The following SNX29 variants were observed in gnomAD, a reference collection of about 807,000 sequenced individuals.
SNX29 encodes the protein sorting nexin 29.
SNX29 carries 78 observed loss-of-function variants against 102.1 expected under a neutral mutation model. The observed-to-expected ratio is 0.76, with a 90% CI of 0.64 to 0.92. The LOEUF is 0.92. Among genes scored for constraint, SNX29 ranks in the 40% least tolerant of loss-of-function variants. The pLI is 0.00. For missense variants in SNX29, 1,280 were observed against 1,061.7 expected (o/e 1.21, Z -2.86); for synonymous variants, 580 against 414.5 (o/e 1.40, Z -4.85).
At chr16:12,257,039 G>C (rs955822424) in intron 14 of SNX29, among the ~76,000 whole-genome samples, 8 of 152,206 alleles carry the variant, frequency 5.3e-5, no homozygotes, top group African/African-American at 1.9e-4. Flanking sequence ...ATGAGGTGGT[G>C]GCAGGGTTGT....
At chr16:12,391,168 A>G (rs1393530215) in intron 16 of SNX29, among the ~76,000 whole-genome samples, 2 of 151,690 alleles carry the variant, frequency 1.3e-5, no homozygotes, top group African/African-American at 4.8e-5. Context: ...CTGGCCTTAG[A>G]CTCCTGGGCC....
chr16:12,047,947 G>A (rs866323821), intron 6 of SNX29, among the ~76,000 whole-genome samples: 2 of 152,080 alleles, frequency 1.3e-5, no homozygotes, highest in Admixed American at 6.6e-5. Flanking sequence ...GTGAGCCACC[G>A]TGCCCAGCCT....
intron 15 of SNX29, among the ~76,000 whole-genome samples, chr16:12,340,553 C>T (rs1454246241): frequency 1.3e-5 from 2 of 152,146 alleles, no homozygotes; most frequent in African/African-American, 4.8e-5. Flanking sequence ...GTTTGGAGTT[C>T]TGGAAACGTT....
At chr16:12,533,708 A>G (rs1049125858) in intron 20 of SNX29, among the ~76,000 whole-genome samples, 1 of 152,108 alleles carries the variant, frequency 6.6e-6, no homozygotes, top group Non-Finnish European at 1.5e-5. Flanking sequence ...TGCCTTGGCA[A>G]ACTCAGGTGC....
chr16:12,275,176 T>C (rs763950386), intron 14 of SNX29, among the ~76,000 whole-genome samples: 4 of 152,204 alleles, frequency 2.6e-5, no homozygotes, highest in African/African-American at 7.2e-5. Flanking sequence ...GGCTGTGCCA[T>C]TCCACTGGAG....
In SNX29 at chr16:12,098,409, C is replaced by T. The variant is rs200991052; in HGVS notation, c.1402+19494C>T. Among the ~76,000 whole-genome samples, 15 of 152,204 alleles carry T rather than the reference C, an allele frequency of 9.9e-5. No individual in the cohort carries two copies. Among genetic ancestry groups the T allele is most frequent in the African/African-American group, 3.4e-4 (14 of 41,450 alleles). ...TGGAGTTCACCTTCTGGAAGAACGT[C>T]GCTGCCCAGTTGAATAGGGGGTTGG... On this transcript the variant is annotated intron_variant, in intron 11 of 20. Coordinates refer to ENST00000566228, the MANE Select transcript of SNX29 (RefSeq NM_032167.5). This position sits in a 1 kb window ranked among gnomAD's most constrained non-coding sequence, Gnocchi z 6.0.
chr16:12,359,182 T>C (rs954265323), intron 16 of SNX29, among the ~76,000 whole-genome samples: 1 of 152,208 alleles, frequency 6.6e-6, no homozygotes, highest in African/African-American at 2.4e-5. Context: ...TGTGTCAGAA[T>C]TGAATCAGAG....
At chr16:12,058,897 A>T (rs2050645523) in intron 8 of SNX29, among the ~76,000 whole-genome samples, 1 of 145,474 alleles carries the variant, frequency 6.9e-6, no homozygotes, top group Non-Finnish European at 1.5e-5. Context: ...GGCTCAAGGG[A>T]TCCTCCCACC....
chr16:12,559,310 T>C (rs757622942), intron 20 of SNX29, among the ~76,000 whole-genome samples: 3 of 151,796 alleles, frequency 2.0e-5, no homozygotes, highest in African/African-American at 7.3e-5. Context: ...GCAAACCCTA[T>C]TGTGAACTGC....
chr16:12,539,981 T>A (rs1231327395), intron 20 of SNX29, among the ~76,000 whole-genome samples: 1 of 152,192 alleles, frequency 6.6e-6, no homozygotes, highest in Non-Finnish European at 1.5e-5. Context: ...TATTTTCTTC[T>A]AGTCTTCAGC....
intron 4 of SNX29, among the ~76,000 whole-genome samples, chr16:12,030,976 C>G (rs2057325719): frequency 6.6e-6 from 1 of 152,240 alleles, no homozygotes; most frequent in Non-Finnish European, 1.5e-5. Context: ...AATTCAGCAG[C>G]TGAAGCACTA....
At chr16:12,455,217 C>A (rs945778461) in intron 18 of SNX29, among the ~76,000 whole-genome samples, 1 of 152,118 alleles carries the variant, frequency 6.6e-6, no homozygotes, top group Admixed American at 6.5e-5. Context: ...TTGGTAGAAC[C>A]CCACCGAGTC....
chr16:12,172,035 C>T (rs886309365), intron 13 of SNX29, among the ~76,000 whole-genome samples: 2 of 152,148 alleles, frequency 1.3e-5, no homozygotes, highest in Non-Finnish European at 2.9e-5. Context: ...TTCTACGTTA[C>T]CACTTATTTT....
At chr16:12,050,324 A>G (rs1413314686) in intron 7 of SNX29, among the ~76,000 whole-genome samples, 1 of 152,240 alleles carries the variant, frequency 6.6e-6, no homozygotes, top group African/African-American at 2.4e-5. Context: ...ATAGGGGCAC[A>G]AAGTGTCTTC....
intron 11 of SNX29, among the ~76,000 whole-genome samples, chr16:12,083,190 C>G (rs542881620): frequency 6.6e-6 from 1 of 151,640 alleles, no homozygotes; most frequent in African/African-American, 2.4e-5. Flanking sequence ...CCTGTAATCT[C>G]GGCTACTCGG....
At position 12,571,560 on chromosome 16, in the gene SNX29, G is replaced by T. The variant is rs147496154; in HGVS notation, c.*2931G>T. ...TTTGCTGGGAGGAAGAATCCACACC[G>T]AATCCTTCTGTCTTCATGGCCTGCT... On this transcript the variant is annotated 3_prime_UTR_variant, in exon 21 of 21. Transcript: ENST00000566228. The T allele has an allele frequency of 8.0e-5, 81 of 1,012,664 alleles. No individual in the cohort carries two copies. The African/African-American group carries it at 1.2e-3, about 15-fold the overall frequency. 62.7% of individuals were successfully genotyped at this position (1,012,664 alleles called of 1,614,324 possible). A position where few individuals can be genotyped will look rare whatever the true frequency, so the allele number is the denominator to read the frequency against.
chr16:12,349,907 CAT>C (rs2081947575), intron 15 of SNX29, among the ~76,000 whole-genome samples: 1 of 152,150 alleles, frequency 6.6e-6, no homozygotes, highest in Non-Finnish European at 1.5e-5. Context: ...ACTTTCAATT[CAT>C]TGCAGAATGA....
intron 20 of SNX29, among the ~76,000 whole-genome samples, chr16:12,558,776 T>C (rs1257155466): frequency 6.6e-6 from 1 of 152,206 alleles, no homozygotes; most frequent in East Asian, 1.9e-4. Flanking sequence ...TCCCGCATTG[T>C]ACAACCTGAA....
chr16:12,299,930 G>A lies in SNX29; in HGVS notation c.1782+21894G>A, dbSNP rs146900035. 4.1e-3 allele frequency among the ~76,000 whole-genome samples: 624 copies of A among 152,042 alleles called. 4 individuals carry two copies. Among genetic ancestry groups the A allele is most frequent in the African/African-American group, 0.014 (589 of 41,476 alleles). On this transcript the variant is annotated intron_variant, in intron 15 of 20. Coordinates refer to ENST00000566228, the MANE Select transcript of SNX29 (RefSeq NM_032167.5). ...CTGTCACGCAGGCTGGAGTGCAGTC[G>A]CGCAATCTTGGCTCACTGCAACCTC...
Sources: allele counts gnomAD v4.1 joint callset (sites outside exome capture counted in the v4.1 genomes callset), GRCh38; gene constraint gnomAD v4.1.1; non-coding constraint Gnocchi (gnomAD v3.1); transcripts MANE v1.5; gene names NCBI Gene and HGNC (gene_info 2026-07-23, HGNC 2026-07-21).